MMP8: variants seen among roughly 807,000 people sequenced by gnomAD.
MMP8 encodes neutrophil collagenase.
Under a neutral mutation model 51.2 loss-of-function variants are expected in MMP8, and 67 were observed. The ratio of observed to expected loss-of-function variants is 1.31; its 90% CI spans 1.08 to 1.60. The LOEUF (loss-of-function observed/expected upper bound fraction) is 1.60, where lower values mean the gene tolerates loss of function less well. Ranked by LOEUF, MMP8 falls within the 40% of genes most tolerant of loss-of-function variation. MMP8 has a pLI of 0.00. For missense variants in MMP8, 654 were observed against 558.1 expected (o/e 1.17, Z -1.73); for synonymous variants, 225 against 191.0 (o/e 1.18, Z -1.47).
Position 102,716,754 on chromosome 11 carries a change from A to G in MMP8, c.785-335T>C, listed in dbSNP as rs531109217. On this transcript the variant is annotated intron_variant, in intron 5 of 9. Coordinates refer to ENST00000236826, the MANE Select transcript of MMP8 (RefSeq NM_002424.3). Reference sequence around the variant, plus strand: ...CCTCTTTCTGCTTTTTTGGTCACTCAGTATCTATTGCCTCTCTCCTCACCA... The same window carrying G: ...CCTCTTTCTGCTTTTTTGGTCACTCGGTATCTATTGCCTCTCTCCTCACCA... Among the ~76,000 whole-genome samples the G allele has an allele frequency of 7.7e-3, 1,168 of 152,232 alleles. 3 individuals carry two copies. The highest frequency in any genetic ancestry group is 0.014 in the Non-Finnish European group (936 of 68,010).
In MMP8 at chr11:102,718,416, T is replaced by TAG. The variant is rs147405648; in HGVS notation, c.780_781dup (p.Tyr261SerfsTer24). 9.4e-5 allele frequency: 151 copies of TAG among 1,610,090 alleles called. No individual in the cohort carries two copies. The African/African-American group carries it at 1.9e-3, about 20-fold the overall frequency. ...TGACTCTCTTGAGAAGACCTTACCA[T>TAG]AGATGGCCTGAATGCCATCGATGTC... On this transcript the variant is annotated frameshift_variant, in exon 5 of 10. Coordinates refer to ENST00000236826, the MANE Select transcript of MMP8 (RefSeq NM_002424.3). LOFTEE classifies it high-confidence loss of function.
intron 2 of MMP8, 116 bp from the exon 3 acceptor site, chr11:102,721,878 G>T: frequency 8.3e-7 from 1 of 1,205,942 alleles, no homozygotes; most frequent in Non-Finnish European, 1.2e-6. Flanking sequence ...CACTGGAGAG[G>T]ATAAGGAGGG....
Position 102,714,601 on chromosome 11 carries a change from A to T in MMP8, c.1145T>A (p.Phe382Tyr). ...AAAGAAGTATGTTTTACTTCTGTAGAAAACAGCTGCGTCAATTGCTTGGAC... is the reference window on the plus strand; with the variant it reads ...AAAGAAGTATGTTTTACTTCTGTAGTAAACAGCTGCGTCAATTGCTTGGAC... ...SSVQAIDAAV[F>Y]YRSKTYFFVN... The change falls in exon 8 of 10, where the codon TTC becomes TAC. Residue 382 changes from phenylalanine to tyrosine, a missense_variant. Transcript: ENST00000236826. 2.6e-6 allele frequency: 4 copies of T among 1,519,840 alleles called. No homozygotes were observed. The highest frequency in any genetic ancestry group is 3.5e-6 in the Non-Finnish European group (4 of 1,136,258). 94.1% of individuals were successfully genotyped at this position (1,519,840 alleles called of 1,614,324 possible).
chr11:102,715,558 A>G (rs1861267288), intron 6 of MMP8, 121 bp from the exon 7 acceptor site: 1 of 1,315,642 alleles, frequency 7.6e-7, no homozygotes, highest in East Asian at 2.4e-5. Flanking sequence ...TAACAATCGA[A>G]CGAATGCAAA....
chr11:102,715,181 G>A, intron 7 of MMP8, 123 bp downstream of exon 7: 2 of 1,237,144 alleles, frequency 1.6e-6, no homozygotes, highest in Middle Eastern at 2.0e-4. Context: ...CTAGTCTTCT[G>A]GCAAAAGCCT....
At chr11:102,713,539 C>G in intron 9 of MMP8, 82 bp from the exon 10 acceptor site, 1 of 1,211,394 alleles carries the variant, frequency 8.3e-7, no homozygotes, top group Non-Finnish European at 1.2e-6. Context: ...TGCCCCTGTT[C>G]CAACATAACA....
Position 102,718,542 on chromosome 11 carries a change from A to G in MMP8, c.656T>C (p.Phe219Ser), listed in dbSNP as rs1565439090. 6.2e-7 allele frequency: 1 copy of G among 1,613,900 alleles called. No homozygotes were observed. Among genetic ancestry groups the G allele is most frequent in the Non-Finnish European group, 8.5e-7 (1 of 1,179,842 alleles). ...GTGAGCGAGCCCCAAAGAATGGCCA[A>G]ATTCATGAGCAGCAACAAGAAACAA... ...YNLFLVAAHE[F>S]GHSLGLAHSS... is the part of the protein sequence containing the mutation. The change falls in exon 5 of 10, where the codon TTT becomes TCT. Residue 219 changes from phenylalanine (F) to serine (S), a missense_variant. Phe to Ser is a radical substitution (Grantham distance 155, BLOSUM62 -2). Transcript: ENST00000236826.
At chr11:102,720,158 GC>G (rs1861425751) in intron 4 of MMP8, among the ~76,000 whole-genome samples, 1 of 152,218 alleles carries the variant, frequency 6.6e-6, no homozygotes, top group Non-Finnish European at 1.5e-5. Context: ...GGATGAACAA[GC>G]ACCAAGAGCC....
In MMP8 at chr11:102,721,480, A is replaced by C; in HGVS notation, c.543T>G (p.Ala181=). 6.2e-7 allele frequency: 1 copy of C among 1,613,908 alleles called. No individual in the cohort carries two copies. The change falls in exon 4 of 10, where the codon GCT becomes GCG. Residue 181 remains alanine (A), a synonymous_variant. Transcript: ENST00000236826. Reference sequence around the variant, plus strand: ...TACCTTGGCCTGGCTGAAAGGCATGAGCAAGGATTCCATTGGGTCCATCAA... The same window carrying C: ...TACCTTGGCCTGGCTGAAAGGCATGCGCAAGGATTCCATTGGGTCCATCAA... ...SPFDGPNGIL[A]HAFQPGQGIG...
At chr11:102,715,890 A>AG (rs1861277415) in intron 6 of MMP8, among the ~76,000 whole-genome samples, 4 of 152,218 alleles carry the variant, frequency 2.6e-5, no homozygotes, top group African/African-American at 9.6e-5. Flanking sequence ...GGTTCCATTT[A>AG]CTTGACTGAT....
intron 5 of MMP8, 135 bp downstream of exon 5, chr11:102,718,279 T>C: frequency 1.0e-6 from 1 of 959,948 alleles, no homozygotes; most frequent in East Asian, 2.6e-5. Flanking sequence ...TTGTTAATGC[T>C]TTATTACTGG....
rs1861132849 is a variant in MMP8 at position 102,711,835 on chromosome 11, A to T, written c.*1513T>A. On this transcript the variant is annotated 3_prime_UTR_variant, in exon 10 of 10. Transcript: ENST00000236826. ...AATCTTTAATTTGAACTTATTTAAT[A>T]GATTATTTTAATTTTTGAACAAGCA... The T allele has an allele frequency of 1.3e-5, 2 of 152,192 alleles. No homozygotes were observed. Among genetic ancestry groups the T allele is most frequent in the African/African-American group, 4.8e-5 (2 of 41,460 alleles). The allele number at this position is 152,192 out of a possible 1,614,324, so 9.4% of individuals were successfully genotyped here.
Position 102,713,305 on chromosome 11 carries a change from C to G in MMP8, c.*43G>C. 7.2e-7 allele frequency: 1 copy of G among 1,380,656 alleles called. No individual in the cohort carries two copies. Among genetic ancestry groups the G allele is most frequent in the Non-Finnish European group, 1.0e-6 (1 of 968,784 alleles). The allele number at this position is 1,380,656 out of a possible 1,614,324, so 85.5% of individuals were successfully genotyped here. On this transcript the variant is annotated 3_prime_UTR_variant, in exon 10 of 10. Coordinates refer to ENST00000236826, the MANE Select transcript of MMP8 (RefSeq NM_002424.3). ...TAACGAAAATGCTTGCTGAACTTCC[C>G]TTCAACATTCTGAAAGTGGATACAG...
intron 6 of MMP8, 120 bp downstream of exon 6, chr11:102,716,182 C>T (rs963026227): frequency 2.3e-5 from 16 of 692,714 alleles, no homozygotes; most frequent in Non-Finnish European, 3.4e-5. Flanking sequence ...TAAAAAATTC[C>T]GATGAGAAGC....
intron 9 of MMP8, 28 bp downstream of exon 9, chr11:102,713,726 A>G (rs1282392624): frequency 1.3e-6 from 2 of 1,499,358 alleles, no homozygotes; most frequent in Admixed American, 3.9e-5. Context: ...CAAACAACAC[A>G]TTTATTAGGT....
chr11:102,718,354 G>T, intron 5 of MMP8, 60 bp downstream of exon 5: 1 of 1,497,740 alleles, frequency 6.7e-7, no homozygotes, highest in Non-Finnish European at 9.1e-7. Context: ...TCAGATTCTG[G>T]GAGTGTTCGC....
rs200953609 is a variant in MMP8, at chr11:102,718,526, C to A, written c.672G>T (p.Gly224=). Residue 224 remains glycine (G), a synonymous_variant, in exon 5 of 10, where the codon GGG becomes GGT. Transcript: ENST00000236826. Reference sequence around the variant, plus strand: ...CACCAGGGTCAGAGGAGTGAGCGAGCCCCAAAGAATGGCCAAATTCATGAG... The same window carrying A: ...CACCAGGGTCAGAGGAGTGAGCGAGACCCAAAGAATGGCCAAATTCATGAG... ...VAAHEFGHSL[G]LAHSSDPGAL... The A allele has an allele frequency of 4.5e-5, 73 of 1,613,884 alleles. No homozygotes were observed. The African/African-American group carries it at 8.7e-4, about 19-fold the overall frequency.
At chr11:102,713,545 T>A in intron 9 of MMP8, 88 bp from the exon 10 acceptor site, 1 of 1,192,736 alleles carries the variant, frequency 8.4e-7, no homozygotes, top group Non-Finnish European at 1.2e-6. Context: ...TGTTCCAACA[T>A]AACATTCAAA....
In MMP8 at chr11:102,714,583, T is replaced by C. The variant is rs768425334; in HGVS notation, c.1163A>G (p.Tyr388Cys). The change falls in exon 8 of 10, where the codon TAC becomes TGC. Residue 388 changes from tyrosine to cysteine, a missense_variant. Physicochemically the swap from Tyr to Cys is radical, Grantham distance 194. Transcript: ENST00000236826. ...DAAVFYRSKT[Y>C]FFVNDQFWRY... The stretch of plus-strand genomic sequence containing the variant: ...CCAGAATTGGTCATTTACAAAGAAG[T>C]ATGTTTTACTTCTGTAGAAAACAGC... 1 of 1,499,246 alleles carries C rather than the reference T, an allele frequency of 6.7e-7. No individual in the cohort carries two copies. The highest frequency in any genetic ancestry group is 2.6e-5 in the East Asian group (1 of 38,162). 92.9% of individuals were successfully genotyped at this position (1,499,246 alleles called of 1,614,324 possible).
Sources: allele counts gnomAD v4.1 joint callset (sites outside exome capture counted in the v4.1 genomes callset), GRCh38; gene constraint gnomAD v4.1.1; transcripts MANE v1.5; gene names NCBI Gene and HGNC (gene_info 2026-07-23, HGNC 2026-07-21).